NAALADL2: variants seen among roughly 807,000 people sequenced by gnomAD.
The protein encoded by NAALADL2 is N-acetylated alpha-linked acidic dipeptidase like 2, also known as inactive N-acetylated-alpha-linked acidic dipeptidase-like protein 2.
Under a neutral mutation model 87.2 loss-of-function variants are expected in NAALADL2, and 76 were observed. The ratio of observed to expected loss-of-function variants is 0.87; its 90% CI spans 0.72 to 1.05. The LOEUF is 1.05. NAALADL2 is among the 50% of genes least tolerant of loss of function. The pLI is 0.00. For missense variants in NAALADL2, 1,089 were observed against 945.8 expected (o/e 1.15, Z -1.99); for synonymous variants, 354 against 331.0 (o/e 1.07, Z -0.75).
chr3:175,305,863 T>G (rs894003917), intron 4 of NAALADL2, among the ~76,000 whole-genome samples: 5 of 152,208 alleles, frequency 3.3e-5, no homozygotes, highest in Non-Finnish European at 7.3e-5. Context: ...AATATATACC[T>G]TCCATCTTTA....
intron 1 of NAALADL2, among the ~76,000 whole-genome samples, chr3:175,075,695 A>G (rs1559993067): frequency 1.3e-5 from 2 of 152,200 alleles, no homozygotes; most frequent in Non-Finnish European, 2.9e-5. Context: ...AAATGGTTCA[A>G]TAACTTGAAA....
chr3:174,837,668 C>T (rs1723498592), intron 3 of NAALADL2, among the ~76,000 whole-genome samples: 1 of 151,986 alleles, frequency 6.6e-6, no homozygotes, highest in Non-Finnish European at 1.5e-5. Flanking sequence ...GTGGTGCGCA[C>T]CTATAATCCC....
intron 10 of NAALADL2, among the ~76,000 whole-genome samples, chr3:175,592,463 AG>A (rs1276659869): frequency 5.9e-5 from 9 of 151,960 alleles, no homozygotes; most frequent in Non-Finnish European, 1.0e-4. Context: ...CTTTACATGT[AG>A]ACTGTAGTTA....
chr3:174,902,371 G>A (rs1560343680), intron 1 of NAALADL2, among the ~76,000 whole-genome samples: 1 of 152,038 alleles, frequency 6.6e-6, no homozygotes, highest in Non-Finnish European at 1.5e-5. Flanking sequence ...TTATAGAACA[G>A]ATTCTGGCTC....
At chr3:174,463,774 G>A (rs1263706726) in intron 1 of NAALADL2, among the ~76,000 whole-genome samples, 2 of 151,754 alleles carry the variant, frequency 1.3e-5, no homozygotes, top group Non-Finnish European at 2.9e-5. Context: ...CTAATTTTTT[G>A]TATTTTTAGT....
At chr3:175,740,993 C>G (rs946993022) in intron 12 of NAALADL2, among the ~76,000 whole-genome samples, 1 of 152,072 alleles carries the variant, frequency 6.6e-6, no homozygotes, top group African/African-American at 2.4e-5. Context: ...TGACAGTGAT[C>G]TAGTGGAGAG....
At chr3:175,307,248 T>C (rs548017410) in intron 4 of NAALADL2, among the ~76,000 whole-genome samples, 2 of 152,102 alleles carry the variant, frequency 1.3e-5, no homozygotes, top group African/African-American at 4.8e-5. Flanking sequence ...GTTGTGACAA[T>C]TAAATAAGTC....
chr3:175,732,325 C>T (rs73171450), intron 11 of NAALADL2, among the ~76,000 whole-genome samples: 14,786 of 152,052 alleles, frequency 0.097, 765 homozygotes, highest in African/African-American at 0.13. Flanking sequence ...ATTTATGTAC[C>T]CTTTTCTGTA....
chr3:175,271,327 T>A (rs1449185832), intron 4 of NAALADL2, among the ~76,000 whole-genome samples: 1 of 152,056 alleles, frequency 6.6e-6, no homozygotes, highest in Non-Finnish European at 1.5e-5. Context: ...GAAATAGATT[T>A]AAAAAAAATT....
chr3:174,506,694 T>C (rs1055991712), intron 1 of NAALADL2, among the ~76,000 whole-genome samples: 8 of 152,332 alleles, frequency 5.3e-5, no homozygotes, highest in African/African-American at 1.7e-4. Context: ...GATGTAAGTT[T>C]ACTCTTCTAT....
chr3:175,416,553 T>A (rs1208112647), intron 5 of NAALADL2, among the ~76,000 whole-genome samples: 1 of 152,178 alleles, frequency 6.6e-6, no homozygotes, highest in Non-Finnish European at 1.5e-5. Flanking sequence ...AGTATTGTGC[T>A]AATGACAAGA....
chr3:175,791,020 C>T (rs1222456130), intron 13 of NAALADL2, among the ~76,000 whole-genome samples: 1 of 152,146 alleles, frequency 6.6e-6, no homozygotes, highest in East Asian at 1.9e-4. Flanking sequence ...AAAATACAGA[C>T]TCAAATAAAG....
At chr3:175,405,763 T>C (rs902021771) in intron 5 of NAALADL2, among the ~76,000 whole-genome samples, 4 of 152,210 alleles carry the variant, frequency 2.6e-5, no homozygotes, top group African/African-American at 9.6e-5. Context: ...ATTGTTTGTG[T>C]GCATTGTCTC....
intron 2 of NAALADL2, among the ~76,000 whole-genome samples, chr3:175,230,139 C>T (rs1225908365): frequency 6.6e-6 from 1 of 151,830 alleles, no homozygotes; most frequent in Non-Finnish European, 1.5e-5. Context: ...ATTCCTGCCT[C>T]CTACCACACA....
chr3:175,148,292 G>T (rs1201757905), intron 2 of NAALADL2, among the ~76,000 whole-genome samples: 1 of 151,594 alleles, frequency 6.6e-6, no homozygotes, highest in African/African-American at 2.4e-5. Context: ...TTTTAATGGG[G>T]TTATTGGTTT....
Position 174,624,205 on chromosome 3 carries a change from G to A in NAALADL2, c.-115+73568G>A, listed in dbSNP as rs552202856. ...TACACTGAAAAAAAATGGTAGAAAAGTAAGAAAAACTGCTCAAGGACCCAC... is the reference window on the plus strand; with the variant it reads ...TACACTGAAAAAAAATGGTAGAAAAATAAGAAAAACTGCTCAAGGACCCAC... On this transcript the variant is annotated intron_variant, in intron 2 of 3. Coordinates refer to the NAALADL2 transcript ENST00000434257. 2.0e-5 allele frequency among the ~76,000 whole-genome samples: 3 copies of A among 151,936 alleles called. No homozygotes were observed. In the South Asian group the frequency reaches 6.2e-4, roughly 32 times the overall value.
chr3:175,505,954 C>CT (rs772846301), intron 9 of NAALADL2, among the ~76,000 whole-genome samples: 110 of 152,264 alleles, frequency 7.2e-4, no homozygotes, highest in Non-Finnish European at 6.0e-4. Flanking sequence ...ATTGGTATCA[C>CT]TTCAAGACCA....
chr3:174,796,830 A>ATG (rs1718159653), intron 3 of NAALADL2, among the ~76,000 whole-genome samples: 1 of 149,146 alleles, frequency 6.7e-6, no homozygotes, highest in East Asian at 2.0e-4. Context: ...TAATGGGATT[A>ATG]TTTGCCTTTT....
chr3:175,181,735 G>A (rs57105323), intron 2 of NAALADL2, among the ~76,000 whole-genome samples: 16,542 of 63,130 alleles, frequency 0.26, 4,610 homozygotes, highest in South Asian at 0.28. Context: ...ATGTATATAT[G>A]TGTATATATG....
Sources: allele counts gnomAD v4.1 joint callset (sites outside exome capture counted in the v4.1 genomes callset), GRCh38; gene constraint gnomAD v4.1.1; transcripts MANE v1.5; gene names NCBI Gene and HGNC (gene_info 2026-07-23, HGNC 2026-07-21).